The following CSMD1 variants were observed in gnomAD, a reference collection of about 807,000 sequenced individuals.
CSMD1 encodes the protein CUB and Sushi multiple domains 1.
A neutral mutation model predicts 417.5 loss-of-function variants in CSMD1; 213 were observed. The observed-to-expected ratio is 0.51, with a 90% CI of 0.46 to 0.57. The LOEUF is 0.57. CSMD1 is among the 20% of genes least tolerant of loss of function. CSMD1 has a pLI of 0.00. For synonymous variants in CSMD1, 2,862 were observed against 1,736.8 expected (o/e 1.65, Z -16.11); for missense variants, 6,923 against 4,529.7 (o/e 1.53, Z -15.17).
intron 5 of CSMD1, among the ~76,000 whole-genome samples, chr8:3,868,803 T>C (rs1805282253): frequency 6.6e-6 from 1 of 152,210 alleles, no homozygotes; most frequent in South Asian, 2.1e-4. Flanking sequence ...AAGTAGAATC[T>C]GATCAGTCGT....
intron 17 of CSMD1, among the ~76,000 whole-genome samples, chr8:3,391,164 G>A (rs1437596755): frequency 1.7e-5 from 2 of 120,680 alleles, no homozygotes; most frequent in South Asian, 2.7e-4. Context: ...AAAAGTCACC[G>A]AATCTCAGCA....
chr8:4,822,680 A>G (rs940297840), intron 1 of CSMD1, among the ~76,000 whole-genome samples: 8 of 152,158 alleles, frequency 5.3e-5, no homozygotes, highest in African/African-American at 1.9e-4. Flanking sequence ...TTTAAAATAT[A>G]ATTAGCCATA....
intron 3 of CSMD1, among the ~76,000 whole-genome samples, chr8:4,210,753 T>C (rs989488312): frequency 1.5e-4 from 23 of 152,136 alleles, no homozygotes; most frequent in Non-Finnish European, 1.8e-4. Flanking sequence ...CATACTGAAA[T>C]ATGAAAGATC....
intron 39 of CSMD1, 150 bp downstream of exon 39, chr8:3,157,747 T>C (rs1316717438): frequency 1.6e-6 from 1 of 633,680 alleles, no homozygotes; most frequent in Non-Finnish European, 2.8e-6. Context: ...AAACGCATCA[T>C]TCTGCTCTAC....
intron 1 of CSMD1, among the ~76,000 whole-genome samples, chr8:4,855,140 C>A (rs1420038043): frequency 6.6e-6 from 1 of 151,348 alleles, no homozygotes; most frequent in Non-Finnish European, 1.5e-5. Context: ...GGAGGCACCC[C>A]CCAGCAGGGG....
intron 2 of CSMD1, among the ~76,000 whole-genome samples, chr8:4,561,678 T>C (rs1585252083): frequency 6.6e-6 from 1 of 152,082 alleles, no homozygotes; most frequent in East Asian, 1.9e-4. Flanking sequence ...TGAGACTCTG[T>C]TAAAAGAAGA....
At chr8:3,093,168 A>G (rs962754435) in intron 47 of CSMD1, among the ~76,000 whole-genome samples, 2 of 152,142 alleles carry the variant, frequency 1.3e-5, no homozygotes, top group Non-Finnish European at 2.9e-5. Context: ...GAGGGTCCCT[A>G]AAGACATAAC....
intron 5 of CSMD1, among the ~76,000 whole-genome samples, chr8:3,892,046 A>T (rs1382336661): frequency 6.6e-6 from 1 of 152,066 alleles, no homozygotes; most frequent in African/African-American, 2.4e-5. Context: ...AAAATTAAGG[A>T]AAGTCACATT....
Position 4,303,948 on chromosome 8 carries a change from G to T in CSMD1, c.415+116005C>A, listed in dbSNP as rs181053584. 5.9e-5 allele frequency among the ~76,000 whole-genome samples: 9 copies of T among 152,208 alleles called. No homozygotes were observed. The East Asian group carries it at 1.5e-3, about 26-fold the overall frequency. Reference sequence around the variant, plus strand: ...TCTAAAGAAAGGATAAGCTCCAGCTGCCACTTTTCCCTCTTCCTTTTGCCT... The same window carrying T: ...TCTAAAGAAAGGATAAGCTCCAGCTTCCACTTTTCCCTCTTCCTTTTGCCT... On this transcript the variant is annotated intron_variant, in intron 3 of 69. Coordinates refer to ENST00000635120, the MANE Select transcript of CSMD1 (RefSeq NM_033225.6).
Position 4,557,376 on chromosome 8 carries a change from G to T in CSMD1, c.302+79966C>A, listed in dbSNP as rs565247014. 1.2e-3 allele frequency among the ~76,000 whole-genome samples: 186 copies of T among 151,110 alleles called. 1 individual carries two copies. The highest frequency in any genetic ancestry group is 4.3e-3 in the African/African-American group (178 of 41,308). On this transcript the variant is annotated intron_variant, in intron 2 of 69. Coordinates refer to ENST00000635120, the MANE Select transcript of CSMD1 (RefSeq NM_033225.6). ...GCCTTGATATGCCAAGATATAATTTGATAGCATTATCTAAGAATTCACAGC... is the reference window on the plus strand; with the variant it reads ...GCCTTGATATGCCAAGATATAATTTTATAGCATTATCTAAGAATTCACAGC...
At chr8:3,571,627 G>A (rs7838718) in intron 10 of CSMD1, among the ~76,000 whole-genome samples, 129,133 of 151,762 alleles carry the variant, frequency 0.85, 55,255 homozygotes, top group Non-Finnish European at 0.88. Context: ...GCAGGGGTGT[G>A]AGGTCCAAGG....
At chr8:3,727,342 C>G (rs559819289) in intron 6 of CSMD1, among the ~76,000 whole-genome samples, 2 of 152,318 alleles carry the variant, frequency 1.3e-5, no homozygotes, top group East Asian at 3.9e-4. Flanking sequence ...CTGCAGTTCC[C>G]ATAAATATAC....
At chr8:4,118,354 T>C (rs936508042) in intron 3 of CSMD1, among the ~76,000 whole-genome samples, 47 of 152,014 alleles carry the variant, frequency 3.1e-4, no homozygotes, top group African/African-American at 9.9e-4. Context: ...TCTACCCATC[T>C]GACAAATGTC....
intron 1 of CSMD1, among the ~76,000 whole-genome samples, chr8:4,755,357 G>A (rs1440882697): frequency 6.6e-6 from 1 of 152,006 alleles, no homozygotes; most frequent in East Asian, 1.9e-4. Flanking sequence ...CTTCTGCTTT[G>A]CAATTAGCTA....
intron 3 of CSMD1, among the ~76,000 whole-genome samples, chr8:4,398,964 T>G (rs928874536): frequency 2.0e-5 from 3 of 152,344 alleles, no homozygotes; most frequent in African/African-American, 2.4e-5. Flanking sequence ...TTTTAAAAGC[T>G]TCTTCCAGGA....
At chr8:3,506,340 G>A (rs950560307) in intron 10 of CSMD1, among the ~76,000 whole-genome samples, 1 of 152,178 alleles carries the variant, frequency 6.6e-6, no homozygotes, top group South Asian at 2.1e-4. Flanking sequence ...AGACAAGGAG[G>A]CTTGCCGGAG....
intron 21 of CSMD1, among the ~76,000 whole-genome samples, chr8:3,353,006 T>A (rs1808516893): frequency 1.3e-5 from 2 of 152,178 alleles, no homozygotes; most frequent in South Asian, 4.1e-4. Flanking sequence ...ATGCTCAAGA[T>A]CACACAGGTG....
intron 5 of CSMD1, among the ~76,000 whole-genome samples, chr8:3,871,994 A>G (rs986391545): frequency 1.3e-5 from 2 of 152,196 alleles, no homozygotes; most frequent in East Asian, 1.9e-4. Flanking sequence ...ACTATTTCCT[A>G]TGCAATGGTG....
chr8:2,947,276 G>A (rs1424013033), intron 68 of CSMD1, among the ~76,000 whole-genome samples: 1 of 152,084 alleles, frequency 6.6e-6, no homozygotes, highest in Non-Finnish European at 1.5e-5. Context: ...TTTTATTTTA[G>A]TATCCACTTA....
Sources: allele counts gnomAD v4.1 joint callset (sites outside exome capture counted in the v4.1 genomes callset), GRCh38; gene constraint gnomAD v4.1.1; transcripts MANE v1.5; gene names NCBI Gene and HGNC (gene_info 2026-07-23, HGNC 2026-07-21).